ZNF165: variants seen among roughly 807,000 people sequenced by gnomAD.
ZNF165 encodes zinc finger protein 165.
ZNF165 carries 14 observed loss-of-function variants against 19.6 expected under a neutral mutation model. The ratio of observed to expected loss-of-function variants is 0.71; its 90% confidence interval spans 0.47 to 1.12. ZNF165 has a LOEUF of 1.12. ZNF165 is among the 50% of genes most tolerant of loss of function. ZNF165 has a pLI of 0.00. For synonymous variants in ZNF165, 165 were observed against 195.0 expected (o/e 0.85, Z 1.28); for missense variants, 504 against 566.3 (o/e 0.89, Z 1.12).
chr6:28,084,389 A>C (rs955734915), intron 1 of ZNF165, among the ~76,000 whole-genome samples: 3 of 152,208 alleles, frequency 2.0e-5, no homozygotes, highest in Non-Finnish European at 4.4e-5. Context: ...ACGGTGGCTC[A>C]CACCTGTAAT....
rs755962598 is a variant in ZNF165, at chr6:28,089,461, A to C, written c.1449A>C (p.Leu483=). ...AGAGAATTCACATGAGGGAAAACCT[A>C]TTAATGTAAGGAACTTAAATTTGTA... is the stretch of plus-strand genomic sequence containing the variant. ...QHQRIHMREN[L]LM is the part of the protein sequence containing the mutation. Residue 483 remains leucine, a synonymous_variant, in exon 4 of 4, where the codon CTA becomes CTC. Transcript: ENST00000683778. 1.9e-6 allele frequency: 3 copies of C among 1,578,356 alleles called. No homozygotes were observed. The highest frequency in any genetic ancestry group is 2.6e-6 in the Non-Finnish European group (3 of 1,161,594).
intron 3 of ZNF165, among the ~76,000 whole-genome samples, chr6:28,088,285 C>T (rs1764331976): frequency 6.6e-6 from 1 of 152,188 alleles, no homozygotes; most frequent in Non-Finnish European, 1.5e-5. Context: ...TACTCTATCT[C>T]CCCCTATCTC....
At chr6:28,086,963 G>T (rs538920352) in intron 3 of ZNF165, among the ~76,000 whole-genome samples, 1 of 152,206 alleles carries the variant, frequency 6.6e-6, no homozygotes, top group East Asian at 1.9e-4. Context: ...ATGATCAAGA[G>T]AAACAGATAC....
At position 28,085,502 on chromosome 6, in the gene ZNF165, G is replaced by A; in HGVS notation, c.22G>A (p.Ala8Thr). The change falls in exon 2 of 4, where the codon GCT (alanine) becomes ACT (threonine). Residue 8 changes from alanine (A) to threonine (T), a missense_variant. Physicochemically the swap from Ala to Thr is moderately conservative, Grantham distance 58. Coordinates refer to ENST00000683778, the MANE Select transcript of ZNF165 (RefSeq NM_001376491.1). ...ACAGATGGCTACAGAACCAAAGAAA[G>A]CTGCAGCCCAGAACTCTCCAGAGGA... is the stretch of plus-strand genomic sequence containing the variant. MATEPKK[A>T]AAQNSPEDEG... The A allele has an allele frequency of 6.2e-7, 1 of 1,611,884 alleles. No individual in the cohort carries two copies. Among genetic ancestry groups the A allele is most frequent in the Non-Finnish European group, 8.5e-7 (1 of 1,179,546 alleles).
rs1764273960 is a variant in ZNF165, at chr6:28,086,295, C to A, written c.535C>A (p.Leu179Ile). ...CCATTTTGATTCATCAGAACCCCAG[C>A]TCCTATGGGACTGTGGTGAGGGGCA... The part of the protein sequence containing the change: ...KAHFDSSEPQ[L>I]LWDCDNESEN... Residue 179 changes from leucine (L) to isoleucine (I), a missense_variant, in exon 3 of 4, where the codon CTC (leucine) becomes ATC (isoleucine). Coordinates refer to ENST00000683778, the MANE Select transcript of ZNF165 (RefSeq NM_001376491.1). The A allele has an allele frequency of 6.2e-7, 1 of 1,613,964 alleles. No individual in the cohort carries two copies. The highest frequency in any genetic ancestry group is 2.2e-5 in the East Asian group (1 of 44,876).
At chr6:28,084,268 A>G (rs1764219371) in intron 1 of ZNF165, among the ~76,000 whole-genome samples, 1 of 152,222 alleles carries the variant, frequency 6.6e-6, no homozygotes. Context: ...TTGCTGTACA[A>G]CTTCTAGCCC....
chr6:28,087,214 C>T (rs554725115), intron 3 of ZNF165, among the ~76,000 whole-genome samples: 3 of 152,078 alleles, frequency 2.0e-5, no homozygotes, highest in Admixed American at 2.0e-4. Flanking sequence ...CCAAGAATAA[C>T]TTACCGTTAA....
chr6:28,086,639 G>A (rs974178560), intron 3 of ZNF165, among the ~76,000 whole-genome samples: 2 of 152,106 alleles, frequency 1.3e-5, no homozygotes, highest in African/African-American at 4.8e-5. Flanking sequence ...AACCTGGGAG[G>A]CGGAGCTTGC....
At chr6:28,081,702 A>C (rs1402130339) in intron 1 of ZNF165, among the ~76,000 whole-genome samples, 3 of 151,698 alleles carry the variant, frequency 2.0e-5, no homozygotes, top group Non-Finnish European at 2.9e-5. Context: ...CTGCTCTTTA[A>C]CCTCCAACTT....
In ZNF165 at chr6:28,081,515, C is replaced by T. The variant is rs1314981139; in HGVS notation, c.-1+545C>T. The stretch of plus-strand genomic sequence containing the variant: ...AGTTAAACCAACACTGACCCCCTGC[C>T]CTTGAGAAACACAAGGTACTATGGG... On this transcript the variant is annotated intron_variant, in intron 1 of 3. Transcript: ENST00000683778. The T allele has an allele frequency of 3.3e-5, 5 of 152,272 alleles. No homozygotes were observed. In the South Asian group the frequency reaches 8.3e-4, roughly 25 times the overall value. The allele number at this position is 152,272 out of a possible 1,614,324, so 9.4% of individuals were successfully genotyped here. A position where few individuals can be genotyped will look rare whatever the true frequency, so the allele number is the denominator to read the frequency against.
rs1169375007 is a variant in ZNF165 at position 28,080,857 on chromosome 6, G to GGCATCCCGCCT, written c.-113_-103dup. 6.6e-6 allele frequency: 1 copy of GGCATCCCGCCT among 152,222 alleles called. No homozygotes were observed. The highest frequency in any genetic ancestry group is 2.4e-5 in the African/African-American group (1 of 41,448). The allele number at this position is 152,222 out of a possible 1,614,324, so 9.4% of individuals were successfully genotyped here. ...AGGATTCTTGGAATTGTAGTCCAAAGGCATCCCGCCTTCTGCGCAGACTCA... is the reference window on the plus strand; with the variant it reads ...AGGATTCTTGGAATTGTAGTCCAAAGGCATCCCGCCTGCATCCCGCCTTCTGCGCAGACTCA... On this transcript the variant is annotated 5_prime_UTR_variant, in exon 1 of 4. An upstream open reading frame in the 5' UTR loses its in-frame stop. Transcript: ENST00000683778.
At chr6:28,085,955 G>A in intron 2 of ZNF165, 64 bp downstream of exon 2, 4 of 1,573,718 alleles carry the variant, frequency 2.5e-6, no homozygotes, top group Non-Finnish European at 3.4e-6. Context: ...GGGAGGAGAG[G>A]CCCGAGATTG....
intron 3 of ZNF165, among the ~76,000 whole-genome samples, chr6:28,087,779 G>A (rs190948778): frequency 7.6e-4 from 116 of 152,224 alleles, no homozygotes; most frequent in Middle Eastern, 3.4e-3. Context: ...ATGGATCTTG[G>A]AAACCAGGCT....
At position 28,085,702 on chromosome 6, in the gene ZNF165, C is replaced by G. The variant is rs140146788; in HGVS notation, c.222C>G (p.Cys74Trp). The G allele has an allele frequency of 6.2e-7, 1 of 1,614,014 alleles. No homozygotes were observed. The highest frequency in any genetic ancestry group is 2.2e-5 in the East Asian group (1 of 44,886). The change falls in exon 2 of 4, where the codon TGC (cysteine) becomes TGG (tryptophan). Residue 74 changes from cysteine (C) to tryptophan (W), a missense_variant. Coordinates refer to ENST00000683778, the MANE Select transcript of ZNF165 (RefSeq NM_001376491.1). ...REALSRLREL[C>W]CQWLKPEIHT... The stretch of plus-strand genomic sequence containing the variant: ...CACTGAGCCGCCTCCGGGAGCTCTG[C>G]TGTCAGTGGCTGAAGCCAGAGATCC...
At chr6:28,087,984 T>C (rs1203232339) in intron 3 of ZNF165, among the ~76,000 whole-genome samples, 1 of 152,162 alleles carries the variant, frequency 6.6e-6, no homozygotes, top group Non-Finnish European at 1.5e-5. Context: ...TTCGAGACTA[T>C]GGCGATGGTA....
At position 28,089,521 on chromosome 6, in the gene ZNF165, T is replaced by C. The variant is rs1764385900; in HGVS notation, c.*51T>C. 3.4e-6 allele frequency: 5 copies of C among 1,467,210 alleles called. No individual in the cohort carries two copies. The highest frequency in any genetic ancestry group is 4.9e-5 in the Admixed American group (2 of 40,730). The allele number at this position is 1,467,210 out of a possible 1,614,324, so 90.9% of individuals were successfully genotyped here. A position where few individuals can be genotyped will look rare whatever the true frequency, so the allele number is the denominator to read the frequency against. On this transcript the variant is annotated 3_prime_UTR_variant, in exon 4 of 4. Transcript: ENST00000683778. The stretch of plus-strand genomic sequence containing the variant: ...TGAGGAAATGGCACAATATGAAAAA[T>C]ATTAAATAAAAAATAAATATTGGGC...
In ZNF165 at chr6:28,080,764, G is replaced by C. The variant is rs1561794849; in HGVS notation, c.-207G>C. The C allele has an allele frequency of 6.6e-6, 1 of 152,082 alleles. No individual in the cohort carries two copies. Among genetic ancestry groups the C allele is most frequent in the African/African-American group, 2.4e-5 (1 of 41,392 alleles). The allele number at this position is 152,082 out of a possible 1,614,324, so 9.4% of individuals were successfully genotyped here. ...CACTACTACAATGGAGAAAAAAGAT[G>C]CCCCCTCCTTCAAGCCCTGAGATCT... On this transcript the variant is annotated 5_prime_UTR_variant, in exon 1 of 4. An upstream start codon of the reference 5' UTR is lost. Transcript: ENST00000683778.
Position 28,087,022 on chromosome 6 carries a change from G to A in ZNF165, c.550+712G>A, listed in dbSNP as rs776665023. 5.9e-5 allele frequency among the ~76,000 whole-genome samples: 9 copies of A among 152,176 alleles called. No individual in the cohort carries two copies. The South Asian group carries it at 6.2e-4, about 11-fold the overall frequency. On this transcript the variant is annotated intron_variant, in intron 3 of 3. Transcript: ENST00000683778. ...ATATAATTCACAAGTAACATAGACC[G>A]TGATCCATATTTTTCCTGTTATGCT...
At position 28,089,281 on chromosome 6, in the gene ZNF165, C is replaced by G. The variant is rs570463730; in HGVS notation, c.1269C>G (p.Thr423=). The change falls in exon 4 of 4, where the codon ACC becomes ACG. Residue 423 remains threonine (T), a synonymous_variant. Coordinates refer to ENST00000683778, the MANE Select transcript of ZNF165 (RefSeq NM_001376491.1). ...TTATCAGGCATCAGAGAATTCACACCAGAGAGAAACCCTACGAGTGTAGTG... is the reference window on the plus strand; with the variant it reads ...TTATCAGGCATCAGAGAATTCACACGAGAGAGAAACCCTACGAGTGTAGTG... ...SHLIRHQRIH[T]REKPYECSEC... 6.8e-5 allele frequency: 110 copies of G among 1,614,076 alleles called. No individual in the cohort carries two copies. The South Asian group carries it at 1.1e-3, about 16-fold the overall frequency.
Sources: allele counts gnomAD v4.1 joint callset (sites outside exome capture counted in the v4.1 genomes callset), GRCh38; gene constraint gnomAD v4.1.1; transcripts MANE v1.5; gene names NCBI Gene and HGNC (gene_info 2026-07-23, HGNC 2026-07-21).